The following ZSCAN25 variants were observed in gnomAD, a reference collection of about 807,000 sequenced individuals.
The protein encoded by ZSCAN25 is zinc finger and SCAN domain containing 25, also known as zinc finger and SCAN domain-containing protein 25.
ZSCAN25 carries 27 observed loss-of-function variants against 38.7 expected under a neutral mutation model. The observed-to-expected ratio is 0.70, with a 90% CI of 0.51 to 0.96. The LOEUF (loss-of-function observed/expected upper bound fraction) is 0.96. Among genes scored for constraint, ZSCAN25 ranks in the 40% least tolerant of loss-of-function variants. The pLI is 0.00. For missense variants in ZSCAN25, 637 were observed against 705.9 expected (o/e 0.90, Z 1.11); for synonymous variants, 273 against 277.7 (o/e 0.98, Z 0.17).
At chr7:99,676,408 ATGATTAGC>A in the ZSCAN25 span, 1 of 1,503,314 alleles carries the variant, frequency 6.7e-7, no homozygotes, top group East Asian at 2.7e-5. Context: ...AAAAGTCTCA[ATGATTAGC>A]TGAAAGCAGC....
At chr7:99,714,580 T>C in the ZSCAN25 span, 4 of 1,613,266 alleles carry the variant, frequency 2.5e-6, no homozygotes, top group East Asian at 6.7e-5. Flanking sequence ...GAGGCGACCT[T>C]CTTTTATCTG....
the ZSCAN25 span, among the ~76,000 whole-genome samples, chr7:99,646,106 G>T: frequency 6.6e-6 from 1 of 152,068 alleles, no homozygotes; most frequent in Non-Finnish European, 1.5e-5. Context: ...GGTCTTTTGT[G>T]AATCCATACA....
chr7:99,618,239 C>A (rs1464076929), intron 1 of ZSCAN25: 2 of 152,232 alleles, frequency 1.3e-5, no homozygotes, highest in Non-Finnish European at 1.5e-5. Flanking sequence ...CAGTCTACTT[C>A]AAGCCTCTTC....
chr7:99,639,878 C>A, the ZSCAN25 span, among the ~76,000 whole-genome samples: 2 of 152,156 alleles, frequency 1.3e-5, no homozygotes, highest in East Asian at 3.9e-4. Context: ...CCAGCCTGGG[C>A]AACATAATGA....
chr7:99,716,318 A>G, the ZSCAN25 span, among the ~76,000 whole-genome samples: 2 of 151,996 alleles, frequency 1.3e-5, no homozygotes, highest in African/African-American at 2.4e-5. Flanking sequence ...CTGACTACAG[A>G]CTCTATGCCC....
the ZSCAN25 span, chr7:99,652,757 A>G: frequency 6.2e-7 from 1 of 1,613,468 alleles, no homozygotes; most frequent in African/African-American, 1.3e-5. Flanking sequence ...CATCTGTACC[A>G]CGGCATCATA....
At chr7:99,663,234 C>CT in the ZSCAN25 span, 1 of 1,056,368 alleles carries the variant, frequency 9.5e-7, no homozygotes, top group South Asian at 3.3e-5. Flanking sequence ...ATCTTTTATT[C>CT]TTCTACCTTT....
At chr7:99,695,953 CA>C in the ZSCAN25 span, 99 of 797,946 alleles carry the variant, frequency 1.2e-4, no homozygotes, top group Non-Finnish European at 1.8e-4. Flanking sequence ...AACATTAAGG[CA>C]ATAAATGATA....
At chr7:99,622,478 C>T (rs1309417379) in intron 5 of ZSCAN25, 71 bp from the exon 6 acceptor site, 14 of 1,410,990 alleles carry the variant, frequency 9.9e-6, no homozygotes, top group African/African-American at 7.0e-5. Context: ...GTAGGGGACA[C>T]ATTTGAACGA....
chr7:99,643,688 G>T, the ZSCAN25 span, among the ~76,000 whole-genome samples: 1 of 151,916 alleles, frequency 6.6e-6, no homozygotes, highest in South Asian at 2.1e-4. Flanking sequence ...TCCCACTGTA[G>T]TAGTATCTGA....
At chr7:99,717,436 C>G in the ZSCAN25 span, 290 of 1,588,004 alleles carry the variant, frequency 1.8e-4, 6 homozygotes, top group South Asian at 3.0e-3. Flanking sequence ...GCAGACTACT[C>G]CTCGGAAAGG....
chr7:99,690,699 TC>T, the ZSCAN25 span, among the ~76,000 whole-genome samples: 1 of 152,034 alleles, frequency 6.6e-6, no homozygotes, highest in Non-Finnish European at 1.5e-5. Context: ...AAAATGCTCA[TC>T]ATCACTGGCC....
chr7:99,643,642 G>A, the ZSCAN25 span, among the ~76,000 whole-genome samples: 5 of 151,790 alleles, frequency 3.3e-5, no homozygotes, highest in African/African-American at 7.3e-5. Flanking sequence ...TCCCAACCCC[G>A]ATGGCCCAAG....
At chr7:99,633,735 C>T (rs1213905265), downstream of ZSCAN25, among the ~76,000 whole-genome samples, 1 of 152,172 alleles carries the variant, frequency 6.6e-6, no homozygotes, top group Non-Finnish European at 1.5e-5. Context: ...CTGGCCTGCA[C>T]TCATGGATTT....
intron 7 of ZSCAN25, among the ~76,000 whole-genome samples, chr7:99,626,732 T>C (rs896310001): frequency 7.2e-5 from 11 of 152,212 alleles, no homozygotes; most frequent in African/African-American, 2.7e-4. Flanking sequence ...GTCAGGTACA[T>C]GGTCTGGGAG....
chr7:99,680,283 C>G, the ZSCAN25 span, among the ~76,000 whole-genome samples: 4 of 152,174 alleles, frequency 2.6e-5, 1 homozygote, highest in Admixed American at 2.6e-4. Context: ...TCCTCACAAG[C>G]CACACCTACA....
the ZSCAN25 span, chr7:99,720,413 C>CTG: frequency 6.2e-7 from 1 of 1,613,474 alleles, no homozygotes; most frequent in East Asian, 2.2e-5. Flanking sequence ...GTCATAAATA[C>CTG]TGTGTGGAGA....
the ZSCAN25 span, among the ~76,000 whole-genome samples, chr7:99,645,841 A>G: frequency 6.6e-6 from 1 of 151,914 alleles, no homozygotes; most frequent in African/African-American, 2.4e-5. Context: ...GTTGGCTATT[A>G]GACCTTTGTT....
chr7:99,676,636 C>G, the ZSCAN25 span: 1 of 988,290 alleles, frequency 1.0e-6, no homozygotes, highest in Non-Finnish European at 1.4e-6. Flanking sequence ...TTTTGCATCA[C>G]TGTATGCACT....
Sources: gnomAD v4.1 joint callset for allele counts (sites outside exome capture counted in the v4.1 genomes callset) on GRCh38, gnomAD v4.1.1 for gene constraint, MANE v1.5 for transcripts, NCBI Gene and HGNC (gene_info 2026-07-23, HGNC 2026-07-21) for gene names.